Variants in DOK1 observed in about 807,000 individuals in gnomAD.
DOK1 encodes the protein Downstream of tyrosine kinase 1.
In DOK1, 12 loss-of-function variants were observed where a neutral mutation model predicts 24.0. The observed-to-expected ratio is 0.50, with a 90% CI of 0.32 to 0.81. The LOEUF (loss-of-function observed/expected upper bound fraction) is 0.81, where lower values mean the gene tolerates loss of function less well. DOK1 is among the 30% of genes least tolerant of loss of function. DOK1 has a pLI of 0.03. For missense variants in DOK1, 591 were observed against 620.7 expected (o/e 0.95, Z 0.51); for synonymous variants, 250 against 260.9 (o/e 0.96, Z 0.40).
Position 74,549,167 on chromosome 2 carries a change from T to G in DOK1, c.-363T>G. 6.3e-6 allele frequency: 3 copies of G among 476,742 alleles called. No homozygotes were observed. Among genetic ancestry groups the G allele is most frequent in the East Asian group, 3.7e-5 (1 of 27,204 alleles). The allele number at this position is 476,742 out of a possible 1,614,324, so 29.5% of individuals were successfully genotyped here. On this transcript the variant is annotated 5_prime_UTR_variant, in exon 1 of 5. Coordinates refer to the DOK1 transcript ENST00000409429. The surrounding 1 kb of genome is among the most constrained non-coding windows in gnomAD (Gnocchi z 5.3). Reference sequence around the variant, plus strand: ...AGAGCGGGAGCCTCGCTGGTCCCCATTTCAGGTACTCCCTTGGGGCACCTT... The same window carrying G: ...AGAGCGGGAGCCTCGCTGGTCCCCAGTTCAGGTACTCCCTTGGGGCACCTT...
At chr2:74,550,442 A>G, upstream of DOK1, 1 of 1,340,446 alleles carries the variant, frequency 7.5e-7, no homozygotes, top group Non-Finnish European at 1.0e-6. Flanking sequence ...GAGGCCTCCC[A>G]CTTGGCCATG....
At position 74,555,858 on chromosome 2, in the gene DOK1, CT is replaced by C; in HGVS notation, c.455-35del. On this transcript the variant is annotated intron_variant, in intron 3 of 4. Transcript: ENST00000233668. This position sits in a 1 kb window ranked among gnomAD's most constrained non-coding sequence, Gnocchi z 6.1. ...TGGGTCCCCACTGCTGCCCCCGTCC[CT>C]CCCCCGCAGCTGTCTAATCGTGTAT... 1 of 1,587,660 alleles carries C rather than the reference CT, an allele frequency of 6.3e-7. No individual in the cohort carries two copies. The highest frequency in any genetic ancestry group is 1.7e-5 in the Admixed American group (1 of 57,666).
upstream of DOK1, chr2:74,552,848 A>C (rs1015923785): frequency 1.6e-5 from 9 of 553,336 alleles, no homozygotes; most frequent in Admixed American, 3.4e-5. Context: ...CAGGTCATAG[A>C]GGCACAGCCT....
chr2:74,556,248 CGT>C lies in DOK1; in HGVS notation c.640-56_640-55del. The C allele has an allele frequency of 1.9e-6, 3 of 1,572,850 alleles. No individual in the cohort carries two copies. Among genetic ancestry groups the C allele is most frequent in the Non-Finnish European group, 2.6e-6 (3 of 1,157,056 alleles). On this transcript the variant is annotated intron_variant, in intron 4 of 4. Coordinates refer to ENST00000233668, the MANE Select transcript of DOK1 (RefSeq NM_001381.5). The surrounding 1 kb of genome is among the most constrained non-coding windows in gnomAD (Gnocchi z 4.1). ...TTGTAGATACCCTAACTAGTGCAGG[CGT>C]GTGACTCACTTCCTCTGATGGCTCC...
chr2:74,552,946 G>A (rs1353829571), upstream of DOK1: 3 of 332,032 alleles, frequency 9.0e-6, no homozygotes, highest in Middle Eastern at 8.2e-4. Context: ...CAAGAGACAC[G>A]TAGAGAGAGA....
In DOK1 at chr2:74,556,636, C is replaced by A; in HGVS notation, c.968C>A (p.Ser323Tyr). The change falls in exon 5 of 5, where the codon TCT becomes TAT. Residue 323 changes from serine to tyrosine, a missense_variant. Ser to Tyr is a moderately radical substitution (Grantham distance 144). Coordinates refer to ENST00000233668, the MANE Select transcript of DOK1 (RefSeq NM_001381.5). The surrounding 1 kb of genome is among the most constrained non-coding windows in gnomAD (Gnocchi z 4.1). ...TACTCAGACCCCTTGGACAGCACGT[C>A]TGCTCAGGCAGGAGAGGGAGTACAA... The part of the protein sequence containing the change: ...SLYSDPLDST[S>Y]AQAGEGVQRK... 6.2e-7 allele frequency: 1 copy of A among 1,614,262 alleles called. No individual in the cohort carries two copies. The highest frequency in any genetic ancestry group is 1.1e-5 in the South Asian group (1 of 91,088).
Position 74,557,022 on chromosome 2 carries a change from G to A in DOK1, c.1354G>A (p.Val452Ile), listed in dbSNP as rs765145154. ...CCACAACTCAGCCCTGTACAGCCAG[G>A]TCCAGAAGAGCGGGGCCTCAGGGAG... is the stretch of plus-strand genomic sequence containing the variant. ...KSHNSALYSQVQKSGASGSWD... is the reference protein window; with the variant it reads ...KSHNSALYSQIQKSGASGSWD... The change falls in exon 5 of 5, where the codon GTC (valine) becomes ATC (isoleucine). Residue 452 changes from valine to isoleucine, a missense_variant. By Grantham distance (29) the Val-to-Ile change is conservative. Coordinates refer to ENST00000233668, the MANE Select transcript of DOK1 (RefSeq NM_001381.5). 1 of 1,614,202 alleles carries A rather than the reference G, an allele frequency of 6.2e-7. No homozygotes were observed. Among genetic ancestry groups the A allele is most frequent in the Non-Finnish European group, 8.5e-7 (1 of 1,180,040 alleles).
At position 74,549,377 on chromosome 2, in the gene DOK1, G is replaced by A. The variant is rs367759468; in HGVS notation, c.-358+205G>A. ...CGCCCGCGGCCCCTCACCTGTAGAAGGCCGCGTTGACCCTCTTTTCGCTGG... is the reference window on the plus strand; with the variant it reads ...CGCCCGCGGCCCCTCACCTGTAGAAAGCCGCGTTGACCCTCTTTTCGCTGG... On this transcript the variant is annotated intron_variant, in intron 1 of 4. Coordinates refer to the DOK1 transcript ENST00000409429. This position sits in a 1 kb window ranked among gnomAD's most constrained non-coding sequence, Gnocchi z 5.3. The A allele has an allele frequency of 6.6e-5, 106 of 1,604,608 alleles. No homozygotes were observed. In the African/African-American group the frequency reaches 1.4e-3, roughly 20 times the overall value.
rs767164266 is a variant in DOK1, at chr2:74,549,563, C to T, written c.-358+391C>T. The T allele has an allele frequency of 1.2e-6, 2 of 1,610,316 alleles. No homozygotes were observed. Among genetic ancestry groups the T allele is most frequent in the Non-Finnish European group, 1.7e-6 (2 of 1,177,404 alleles). On this transcript the variant is annotated intron_variant, in intron 1 of 4. Transcript: ENST00000409429. The surrounding 1 kb of genome is among the most constrained non-coding windows in gnomAD (Gnocchi z 5.3). Reference sequence around the variant, plus strand: ...CGGCGGGTCGAATTCGCACCTCCTCCACTTGCAGGTGATGCTCTACCTGGG... The same window carrying T: ...CGGCGGGTCGAATTCGCACCTCCTCTACTTGCAGGTGATGCTCTACCTGGG...
rs1433376295 is a variant in DOK1, at chr2:74,554,817, A to C, written c.60+3A>C. 1 of 1,613,962 alleles carries C rather than the reference A, an allele frequency of 6.2e-7. No individual in the cohort carries two copies. The highest frequency in any genetic ancestry group is 8.5e-7 in the Non-Finnish European group (1 of 1,179,992). On this transcript the variant is annotated splice_donor_region_variant and intron_variant, in intron 1 of 4. Coordinates refer to ENST00000233668, the MANE Select transcript of DOK1 (RefSeq NM_001381.5). The surrounding 1 kb of genome is among the most constrained non-coding windows in gnomAD (Gnocchi z 4.9). The stretch of plus-strand genomic sequence containing the variant: ...AGAGTCAGCGCTTTGGGACCAAGGT[A>C]GTCTGGCGCATGGATGCCGAACCTT...
At chr2:74,554,590 C>G (rs1677259835), upstream of DOK1, 1 of 653,556 alleles carries the variant, frequency 1.5e-6, no homozygotes, top group African/African-American at 1.8e-5. The surrounding 1 kb of genome is among the most constrained non-coding windows in gnomAD (Gnocchi z 4.9). Flanking sequence ...ATCCGGGGGT[C>G]TCCACCATTC....
chr2:74,554,646 G>T, upstream of DOK1: 1 of 1,089,688 alleles, frequency 9.2e-7, no homozygotes, highest in Non-Finnish European at 1.3e-6. This position sits in a 1 kb window ranked among gnomAD's most constrained non-coding sequence, Gnocchi z 4.9. Flanking sequence ...CCCAGCGGCT[G>T]CCGGCGGGGG....
upstream of DOK1, chr2:74,550,364 T>C: frequency 6.2e-7 from 1 of 1,610,480 alleles, no homozygotes. Flanking sequence ...GAAGGGGAGA[T>C]GAAGGGACAG....
chr2:74,552,884 T>C (rs1677110278), upstream of DOK1: 1 of 479,588 alleles, frequency 2.1e-6, no homozygotes, highest in Non-Finnish European at 3.7e-6. Context: ...AAGAGACAAC[T>C]ATGAGAGATC....
At chr2:74,553,876 C>G (rs1476905263), upstream of DOK1, 3 of 152,312 alleles carry the variant, frequency 2.0e-5, no homozygotes, top group Admixed American at 1.3e-4. Flanking sequence ...CTCCCCCTAC[C>G]TTGGCCGAGC....
upstream of DOK1, chr2:74,549,980 T>C: frequency 1.0e-6 from 1 of 985,468 alleles, no homozygotes; most frequent in Non-Finnish European, 1.2e-6. This position sits in a 1 kb window ranked among gnomAD's most constrained non-coding sequence, Gnocchi z 5.3. Context: ...GAGAGGCTCA[T>C]GCCAGGTTTA....
upstream of DOK1, among the ~76,000 whole-genome samples, chr2:74,551,247 G>C (rs1051113560): frequency 6.6e-6 from 1 of 152,226 alleles, no homozygotes; most frequent in African/African-American, 2.4e-5. Context: ...ACCCTGTGGA[G>C]TATCACTGGC....
chr2:74,552,245 G>T, upstream of DOK1: 1 of 1,369,936 alleles, frequency 7.3e-7, no homozygotes, highest in Non-Finnish European at 1.0e-6. Context: ...CTATGGCTGT[G>T]CCATCCTCGT....
chr2:74,556,972 C>T lies in DOK1; in HGVS notation c.1304C>T (p.Thr435Ile), dbSNP rs768111141. 6.2e-7 allele frequency: 1 copy of T among 1,614,226 alleles called. No homozygotes were observed. Among genetic ancestry groups the T allele is most frequent in the Non-Finnish European group, 8.5e-7 (1 of 1,180,038 alleles). Reference protein sequence around the residue: ...PQGPAFPEPGTATGSGIKSHN... With the variant: ...PQGPAFPEPGIATGSGIKSHN... ...GGCCCAGCCTTCCCTGAACCTGGTA[C>T]TGCAACTGGCAGTGGCATCAAAAGC... The change falls in exon 5 of 5, where the codon ACT becomes ATT. Residue 435 changes from threonine to isoleucine, a missense_variant. Physicochemically the swap from Thr to Ile is moderately conservative, Grantham distance 89 (BLOSUM62 -1). Transcript: ENST00000233668. This position sits in a 1 kb window ranked among gnomAD's most constrained non-coding sequence, Gnocchi z 4.1.
Sources: allele counts gnomAD v4.1 joint callset (sites outside exome capture counted in the v4.1 genomes callset), GRCh38; gene constraint gnomAD v4.1.1; non-coding constraint Gnocchi (gnomAD v3.1); transcripts MANE v1.5; gene names NCBI Gene and HGNC (gene_info 2026-07-23, HGNC 2026-07-21).